CSNK1G3: variants seen among roughly 807,000 people sequenced by gnomAD.
CSNK1G3 encodes the protein casein kinase 1 gamma 3.
Under a neutral mutation model 64.3 loss-of-function variants are expected in CSNK1G3, and 23 were observed. The ratio of observed to expected loss-of-function variants is 0.36; its 90% CI spans 0.26 to 0.51. The LOEUF (loss-of-function observed/expected upper bound fraction) is 0.51, where lower values mean the gene tolerates loss of function less well. Among genes scored for constraint, CSNK1G3 ranks in the 20% least tolerant of loss-of-function variants. The probability of loss-of-function intolerance (pLI) is 0.96; values close to 1 mark genes in which losing one functional copy is unlikely to be tolerated. For synonymous variants in CSNK1G3, 158 were observed against 162.2 expected (o/e 0.97, Z 0.20); for missense variants, 357 against 510.5 (o/e 0.70, Z 2.90).
chr5:123,513,001 G>A (rs1031361303), intron 1 of CSNK1G3, among the ~76,000 whole-genome samples: 3 of 152,068 alleles, frequency 2.0e-5, no homozygotes, highest in African/African-American at 7.2e-5. Flanking sequence ...TTGGAGTAGG[G>A]GCTTCAGGCA....
intron 9 of CSNK1G3, among the ~76,000 whole-genome samples, 153 bp from the exon 10 acceptor site, chr5:123,591,166 T>C (rs1792273149): frequency 6.6e-6 from 1 of 152,222 alleles, no homozygotes; most frequent in African/African-American, 2.4e-5. Flanking sequence ...TTCTTAGCTT[T>C]AACAACATAT....
rs149956730 is a variant in CSNK1G3, at chr5:123,583,982, C to T, written c.674-4086C>T. 3.3e-3 allele frequency among the ~76,000 whole-genome samples: 510 copies of T among 152,246 alleles called. 8 individuals carry two copies. Among genetic ancestry groups the T allele is most frequent in the African/African-American group, 0.012 (493 of 41,546 alleles). On this transcript the variant is annotated intron_variant, in intron 6 of 12. Coordinates refer to ENST00000345990, the Ensembl canonical transcript of CSNK1G3. ...TGCTGAGATTACAGGTGTGAGCCAC[C>T]GAGCCTGGCCCCAGTTGATTTTTAT...
At chr5:123,525,599 G>T (rs1778912673) in intron 1 of CSNK1G3, among the ~76,000 whole-genome samples, 1 of 151,924 alleles carries the variant, frequency 6.6e-6, no homozygotes, top group Non-Finnish European at 1.5e-5. Context: ...CTGGCAGTTT[G>T]CATTGTTACA....
chr5:123,542,484 A>T, intron 1 of CSNK1G3, among the ~76,000 whole-genome samples: 1 of 152,012 alleles, frequency 6.6e-6, no homozygotes, highest in East Asian at 1.9e-4. Flanking sequence ...ATATTATGTG[A>T]TTTACTTCAG....
At chr5:123,592,632 G>T (rs1393267617) in intron 10 of CSNK1G3, among the ~76,000 whole-genome samples, 1 of 151,708 alleles carries the variant, frequency 6.6e-6, no homozygotes, top group Non-Finnish European at 1.5e-5. Context: ...AAGTTTAAGT[G>T]AAGATTAAAG....
intron 10 of CSNK1G3, among the ~76,000 whole-genome samples, chr5:123,594,310 A>G (rs1792998676): frequency 1.3e-5 from 2 of 152,152 alleles, no homozygotes; most frequent in Non-Finnish European, 2.9e-5. Context: ...ATTGCCATGC[A>G]TATTTGCCAA....
chr5:123,597,850 T>C (rs569254155), intron 10 of CSNK1G3, among the ~76,000 whole-genome samples: 3 of 152,316 alleles, frequency 2.0e-5, no homozygotes, highest in African/African-American at 7.2e-5. Context: ...GGTTTTGTTA[T>C]GAAAATTTAA....
chr5:123,548,351 C>T (rs1455557583), intron 2 of CSNK1G3, among the ~76,000 whole-genome samples: 1 of 149,934 alleles, frequency 6.7e-6, no homozygotes, highest in Admixed American at 6.7e-5. Context: ...CCTAGTTATT[C>T]AGGAGCCTGA....
At chr5:123,524,774 G>A (rs535104964) in intron 1 of CSNK1G3, among the ~76,000 whole-genome samples, 13 of 152,288 alleles carry the variant, frequency 8.5e-5, no homozygotes, top group Middle Eastern at 3.4e-3. Context: ...TTCTGAAGAG[G>A]ACCTTGTTTT....
At chr5:123,583,273 A>G (rs1790663176) in intron 6 of CSNK1G3, among the ~76,000 whole-genome samples, 1 of 142,838 alleles carries the variant, frequency 7.0e-6, no homozygotes, top group Non-Finnish European at 1.6e-5. Context: ...ATGTATCCTT[A>G]CATATTTCCT....
At chr5:123,526,360 T>A (rs867374865) in intron 1 of CSNK1G3, among the ~76,000 whole-genome samples, 1 of 152,008 alleles carries the variant, frequency 6.6e-6, no homozygotes, top group East Asian at 1.9e-4. Flanking sequence ...AGAAATCAAT[T>A]TTTTTTTAAA....
chr5:123,546,620 T>G (rs536550244), intron 2 of CSNK1G3, among the ~76,000 whole-genome samples: 1 of 152,204 alleles, frequency 6.6e-6, no homozygotes, highest in South Asian at 2.1e-4. Context: ...GAAGTCAGTA[T>G]TCAGGTACCA....
chr5:123,540,522 T>C (rs1781512701), intron 1 of CSNK1G3, among the ~76,000 whole-genome samples: 1 of 152,192 alleles, frequency 6.6e-6, no homozygotes, highest in African/African-American at 2.4e-5. Flanking sequence ...TAGATTTTTT[T>C]CTAATTTCTC....
At chr5:123,564,336 T>C (rs1041147275) in intron 4 of CSNK1G3, among the ~76,000 whole-genome samples, 6 of 152,080 alleles carry the variant, frequency 3.9e-5, no homozygotes, top group African/African-American at 1.2e-4. Flanking sequence ...CACATAGGAA[T>C]CTTAAGCAAA....
intron 1 of CSNK1G3, among the ~76,000 whole-genome samples, chr5:123,524,349 C>G (rs1778664800): frequency 6.6e-6 from 1 of 152,156 alleles, no homozygotes; most frequent in Non-Finnish European, 1.5e-5. Flanking sequence ...ATCAAACACT[C>G]TTTTTAGTCC....
At chr5:123,556,605 G>T (rs1581108073) in intron 3 of CSNK1G3, among the ~76,000 whole-genome samples, 4 of 152,002 alleles carry the variant, frequency 2.6e-5, no homozygotes, top group Admixed American at 2.6e-4. Flanking sequence ...ATTTTTCAAA[G>T]TTCTATTGAT....
rs545935598 is a variant in CSNK1G3, at chr5:123,562,631, CAAAT to C, written c.289+5070_289+5073del. 5.7e-3 allele frequency among the ~76,000 whole-genome samples: 860 copies of C among 152,006 alleles called. 3 individuals carry two copies. The highest frequency in any genetic ancestry group is 0.017 in the Middle Eastern group (5 of 294). On this transcript the variant is annotated intron_variant, in intron 4 of 12. Transcript: ENST00000345990. ...ATTTTGAGTTTATTCTATTTCTGGACAAATAATACAATTTCAAATTTTTAAATTC... is the reference window on the plus strand; with the variant it reads ...ATTTTGAGTTTATTCTATTTCTGGACAATACAATTTCAAATTTTTAAATTC...
At chr5:123,614,929 T>C (rs1010440368) in exon 13 of CSNK1G3, 2 of 152,740 alleles carry the variant, frequency 1.3e-5, no homozygotes, top group Non-Finnish European at 2.9e-5. Context: ...GGTACTGTTA[T>C]TCATAAGTCA....
In CSNK1G3 at chr5:123,600,540, G is replaced by T. The variant is rs1429791277; in HGVS notation, c.1087-4184G>T. ...CTTGGAAGGCTGAGGCAGGAGAATC[G>T]CTTGAACCCGGGAGGTGGAGGTTGC... On this transcript the variant is annotated intron_variant, in intron 10 of 12. Coordinates refer to ENST00000345990, the Ensembl canonical transcript of CSNK1G3. Among the ~76,000 whole-genome samples, 2 of 151,538 alleles carry T rather than the reference G, an allele frequency of 1.3e-5. 1 individual carries two copies. The highest frequency in any genetic ancestry group is 6.8e-3 in the Middle Eastern group (2 of 294).
Sources: allele counts gnomAD v4.1 joint callset (sites outside exome capture counted in the v4.1 genomes callset), GRCh38; gene constraint gnomAD v4.1.1; transcripts MANE v1.5; gene names NCBI Gene and HGNC (gene_info 2026-07-23, HGNC 2026-07-21).